Variants in GALNS observed in about 807,000 individuals in gnomAD.
GALNS encodes galactosamine (N-acetyl)-6-sulfatase.
In GALNS, 65 loss-of-function variants were observed where a neutral mutation model predicts 65.9. That is an observed-to-expected ratio of 0.99 (90% CI 0.81 to 1.21). The LOEUF (loss-of-function observed/expected upper bound fraction) is 1.21. Among genes scored for constraint, GALNS ranks in the 50% most tolerant of loss-of-function variants. The probability of loss-of-function intolerance (pLI) is 0.00; values close to 1 mark genes in which losing one functional copy is unlikely to be tolerated. For missense variants in GALNS, 776 were observed against 700.7 expected, an observed-to-expected ratio of 1.11 and a Z score of -1.21; for synonymous variants, 346 against 288.9, an observed-to-expected ratio of 1.20 and a Z score of -2.00.
intron 1 of GALNS, chr16:88,843,122 G>T: frequency 6.9e-7 from 1 of 1,454,992 alleles, no homozygotes. Flanking sequence ...TTCAGGTGGG[G>T]AATGTGTCCG....
In GALNS at chr16:88,814,350, G is replaced by A; in HGVS notation, c.*89C>T. 2 of 1,509,224 alleles carry A rather than the reference G, an allele frequency of 1.3e-6. No individual in the cohort carries two copies. Among genetic ancestry groups the A allele is most frequent in the Non-Finnish European group, 1.8e-6 (2 of 1,111,634 alleles). 93.5% of individuals were successfully genotyped at this position (1,509,224 alleles called of 1,614,324 possible). ...CTGTCTGTCTGGCTTGGGCAGGGTT[G>A]GGGGAGGACCGAGGCCAGAGCCATC... On this transcript the variant is annotated 3_prime_UTR_variant, in exon 14 of 14. Transcript: ENST00000268695.
rs1413898166 is a variant in GALNS at position 88,856,813 on chromosome 16, A to G, written c.65T>C (p.Met22Thr). Residue 22 changes from methionine (M) to threonine (T), a missense_variant, in exon 1 of 14, where the codon ATG (methionine) becomes ACG (threonine). Met to Thr is a moderately conservative substitution (Grantham distance 81). Coordinates refer to ENST00000268695, the MANE Select transcript of GALNS (RefSeq NM_000512.5). The part of the protein sequence containing the change: ...QLLLVLSAAG[M>T]GASGAPQPPN... ...GGGCTGCGGGGCGCCCGAGGCCCCC[A>G]TCCCCGCGGCGCTGAGCACCAGCAA... The G allele has an allele frequency of 1.3e-6, 2 of 1,502,224 alleles. No homozygotes were observed. The highest frequency in any genetic ancestry group is 2.4e-5 in the South Asian group (2 of 82,884). 93.1% of individuals were successfully genotyped at this position (1,502,224 alleles called of 1,614,324 possible).
rs78830500 is a variant in GALNS at position 88,834,087 on chromosome 16, G to A, written c.898+1126C>T. On this transcript the variant is annotated intron_variant, in intron 8 of 13. Coordinates refer to ENST00000268695, the MANE Select transcript of GALNS (RefSeq NM_000512.5). ...CACACATGGGTCTGTTGGGGGCCTC[G>A]ACTCGTGGGTCTGACTCCAGTGGGC... 3.5e-3 allele frequency among the ~76,000 whole-genome samples: 539 copies of A among 152,268 alleles called. 7 individuals are homozygous for A. Among genetic ancestry groups the A allele is most frequent in the African/African-American group, 0.012 (514 of 41,556 alleles).
intron 11 of GALNS, among the ~76,000 whole-genome samples, chr16:88,824,516 C>T (rs1597540131): frequency 2.0e-5 from 3 of 152,210 alleles, no homozygotes; most frequent in Non-Finnish European, 4.4e-5. Flanking sequence ...GTCTAGGCCA[C>T]GCCTGTAGCT....
At position 88,818,018 on chromosome 16, in the gene GALNS, A is replaced by G. The variant is rs753344649; in HGVS notation, c.1471T>C (p.Trp491Arg). 1.3e-5 allele frequency: 21 copies of G among 1,583,010 alleles called. No homozygotes were observed. The highest frequency in any genetic ancestry group is 5.1e-6 in the Non-Finnish European group (6 of 1,170,016). The stretch of plus-strand genomic sequence containing the variant: ...CACCAGCCACTTACCATGACCGCCC[A>G]GTTGCACACGTTGAGCTGGGGCTGC... Reference protein sequence around the residue: ...PAQPQLNVCNWAVMNWAPPGC... With the variant: ...PAQPQLNVCNRAVMNWAPPGC... The change falls in exon 13 of 14, where the codon TGG (tryptophan) becomes CGG (arginine). Residue 491 changes from tryptophan to arginine, a missense_variant. Trp to Arg is a moderately radical substitution (Grantham distance 101). Transcript: ENST00000268695.
chr16:88,840,689 C>CG, intron 4 of GALNS: 2 of 446,038 alleles, frequency 4.5e-6, no homozygotes, highest in Non-Finnish European at 8.4e-6. Context: ...AGGAGGCAGC[C>CG]GGGGGGCAGT....
chr16:88,835,643 ACGG>A, intron 7 of GALNS, 79 bp downstream of exon 7: 1 of 1,597,942 alleles, frequency 6.3e-7, no homozygotes, highest in South Asian at 1.1e-5. Context: ...CCTAAATGCC[ACGG>A]TACTGAGTGT....
intron 1 of GALNS, among the ~76,000 whole-genome samples, chr16:88,846,154 T>TG (rs1305923626): frequency 6.6e-6 from 1 of 152,212 alleles, no homozygotes; most frequent in East Asian, 1.9e-4. Flanking sequence ...TCTGTGTTAA[T>TG]GGGTGGAGCT....
In GALNS at chr16:88,856,874, C is replaced by A. The variant is rs747592738; in HGVS notation, c.4G>T (p.Ala2Ser). The A allele has an allele frequency of 4.0e-6, 6 of 1,508,870 alleles. No individual in the cohort carries two copies. The South Asian group carries it at 7.4e-5, about 19-fold the overall frequency. The allele number at this position is 1,508,870 out of a possible 1,614,324, so 93.5% of individuals were successfully genotyped here. M[A>S]AVVAATRWWQ... The stretch of plus-strand genomic sequence containing the variant: ...CACCTCGTCGCCGCGACAACCGCCG[C>A]CATGGCAACCACGGGAGCCGCGGAG... The change falls in exon 1 of 14, where the codon GCG becomes TCG. Residue 2 changes from alanine (A) to serine (S), a missense_variant. Physicochemically the swap from Ala to Ser is moderately conservative, Grantham distance 99. Coordinates refer to ENST00000268695, the MANE Select transcript of GALNS (RefSeq NM_000512.5).
rs1567551481 is a variant in GALNS at position 88,856,894 on chromosome 16, G to C, written c.-17C>G. 1 of 1,502,458 alleles carries C rather than the reference G, an allele frequency of 6.7e-7. No homozygotes were observed. Among genetic ancestry groups the C allele is most frequent in the Non-Finnish European group, 8.8e-7 (1 of 1,134,226 alleles). The allele number at this position is 1,502,458 out of a possible 1,614,324, so 93.1% of individuals were successfully genotyped here. A position where few individuals can be genotyped will look rare whatever the true frequency, so the allele number is the denominator to read the frequency against. On this transcript the variant is annotated 5_prime_UTR_variant, in exon 1 of 14. Coordinates refer to ENST00000268695, the MANE Select transcript of GALNS (RefSeq NM_000512.5). ...CGCCGCCATGGCAACCACGGGAGCCGCGGAGCCCCGGCCAGCGAGCCGACC... is the reference window on the plus strand; with the variant it reads ...CGCCGCCATGGCAACCACGGGAGCCCCGGAGCCCCGGCCAGCGAGCCGACC...
At chr16:88,842,987 C>G in intron 1 of GALNS, 158 bp from the exon 2 acceptor site, 10 of 1,507,422 alleles carry the variant, frequency 6.6e-6, no homozygotes, top group Non-Finnish European at 8.9e-6. Flanking sequence ...CCCAGCATCG[C>G]CTGCGTGCGT....
chr16:88,813,963 C>G lies in GALNS; in HGVS notation c.*476G>C, dbSNP rs1909367181. The G allele has an allele frequency of 8.9e-6, 2 of 224,984 alleles. No homozygotes were observed. Among genetic ancestry groups the G allele is most frequent in the South Asian group, 6.4e-5 (1 of 15,634 alleles). 13.9% of individuals were successfully genotyped at this position (224,984 alleles called of 1,614,324 possible). A position where few individuals can be genotyped will look rare whatever the true frequency, so the allele number is the denominator to read the frequency against. On this transcript the variant is annotated 3_prime_UTR_variant, in exon 14 of 14. Transcript: ENST00000268695. Reference sequence around the variant, plus strand: ...AAAAATGCGGATTCACTGGGCCAGACTCAATCGTGTATTCAGTGGAAGGCT... The same window carrying G: ...AAAAATGCGGATTCACTGGGCCAGAGTCAATCGTGTATTCAGTGGAAGGCT...
intron 10 of GALNS, 23 bp downstream of exon 10, chr16:88,826,679 G>T (rs779433927): frequency 6.2e-7 from 1 of 1,607,550 alleles, no homozygotes; most frequent in South Asian, 1.1e-5. Flanking sequence ...GGGGGAAGGG[G>T]CCGGGGCAGG....
In GALNS at chr16:88,842,845, CG is replaced by C; in HGVS notation, c.121-17del. ...CCCATCCCATCTGCAGGGAAGAGCACGGGGAGGAGGAATGAGCGCCTTCTGC... is the reference window on the plus strand; with the variant it reads ...CCCATCCCATCTGCAGGGAAGAGCACGGGAGGAGGAATGAGCGCCTTCTGC... On this transcript the variant is annotated splice_polypyrimidine_tract_variant and intron_variant, in intron 1 of 13. Coordinates refer to ENST00000268695, the MANE Select transcript of GALNS (RefSeq NM_000512.5). 6.2e-7 allele frequency: 1 copy of C among 1,612,448 alleles called. No individual in the cohort carries two copies. The highest frequency in any genetic ancestry group is 1.3e-5 in the African/African-American group (1 of 75,048).
chr16:88,840,801 T>C, intron 4 of GALNS, 191 bp downstream of exon 4: 2 of 631,606 alleles, frequency 3.2e-6, no homozygotes, highest in Non-Finnish European at 5.8e-6. Flanking sequence ...CCTGGTGACC[T>C]GAGATCCTGC....
chr16:88,855,138 C>A, intron 1 of GALNS: 1 of 578,776 alleles, frequency 1.7e-6, no homozygotes, highest in Non-Finnish European at 3.2e-6. Context: ...TACAGACTAA[C>A]TTTATATTTT....
intron 8 of GALNS, among the ~76,000 whole-genome samples, chr16:88,834,333 G>A (rs1414199143): frequency 6.9e-6 from 1 of 145,046 alleles, no homozygotes; most frequent in Non-Finnish European, 1.5e-5. Flanking sequence ...TCCCCACCAC[G>A]TGGTCTGGGA....
intron 1 of GALNS, 194 bp from the exon 2 acceptor site, chr16:88,843,023 C>A: frequency 3.9e-6 from 6 of 1,523,116 alleles, no homozygotes; most frequent in Non-Finnish European, 5.3e-6. Flanking sequence ...TCCACGCCAG[C>A]CCAAACCTCA....
chr16:88,852,761 C>A (rs1266362343), intron 1 of GALNS, among the ~76,000 whole-genome samples: 5 of 152,170 alleles, frequency 3.3e-5, no homozygotes, highest in African/African-American at 9.7e-5. Flanking sequence ...GTAGCCGATT[C>A]GATCTAGTGG....
Sources: gnomAD v4.1 joint callset for allele counts (sites outside exome capture counted in the v4.1 genomes callset) on GRCh38, gnomAD v4.1.1 for gene constraint, MANE v1.5 for transcripts, NCBI Gene and HGNC (gene_info 2026-07-23, HGNC 2026-07-21) for gene names.